TPR: variants seen among roughly 807,000 people sequenced by gnomAD.
TPR encodes translocated promoter region, nuclear basket protein.
In TPR, 51 loss-of-function variants were observed where a neutral mutation model predicts 316.1. That is an observed-to-expected ratio of 0.16 (90% confidence interval 0.13 to 0.20). The LOEUF is 0.20. TPR is among the 10% of genes least tolerant of loss of function. The pLI is 1.00. For synonymous variants in TPR, 981 were observed against 914.7 expected, an observed-to-expected ratio of 1.07 and a Z score of -1.31; for missense variants, 2,272 against 2,754.8, an observed-to-expected ratio of 0.82 and a Z score of 3.92.
At chr1:186,373,688 G>A (rs898829457) in intron 1 of TPR, among the ~76,000 whole-genome samples, 7 of 152,028 alleles carry the variant, frequency 4.6e-5, no homozygotes, top group Non-Finnish European at 7.4e-5. Flanking sequence ...ATAAAAATAA[G>A]GCCTAAAAGG....
chr1:186,311,684 A>G lies in TPR; in HGVS notation c.*2287T>C, dbSNP rs967017194. 3.8e-6 allele frequency: 5 copies of G among 1,327,164 alleles called. No individual in the cohort carries two copies. The highest frequency in any genetic ancestry group is 4.6e-5 in the East Asian group (2 of 43,096). 82.2% of individuals were successfully genotyped at this position (1,327,164 alleles called of 1,614,324 possible). A position where few individuals can be genotyped will look rare whatever the true frequency, so the allele number is the denominator to read the frequency against. On this transcript the variant is annotated 3_prime_UTR_variant, in exon 51 of 51. Transcript: ENST00000367478. ...TTATTATTGACTTTACTGTCAAAAG[A>G]TATCTTTAATGGCTGAAATCAAATA...
Position 186,311,780 on chromosome 1 carries a change from C to T in TPR, c.*2191G>A, listed in dbSNP as rs1657259367. ...CTCAATTTTTATTTTCATTTCTTCA[C>T]AGGCAAGTCACAATTCATTTGAGTT... On this transcript the variant is annotated 3_prime_UTR_variant, in exon 51 of 51. Coordinates refer to ENST00000367478, the MANE Select transcript of TPR (RefSeq NM_003292.3). The T allele has an allele frequency of 4.5e-6, 3 of 666,220 alleles. No homozygotes were observed. The highest frequency in any genetic ancestry group is 5.0e-6 in the Non-Finnish European group (2 of 400,218). The allele number at this position is 666,220 out of a possible 1,614,324, so 41.3% of individuals were successfully genotyped here. A position where few individuals can be genotyped will look rare whatever the true frequency, so the allele number is the denominator to read the frequency against.
At position 186,312,018 on chromosome 1, in the gene TPR, A is replaced by T. The variant is rs1260820121; in HGVS notation, c.*1953T>A. ...GTATTTCAGTTTAATAATTATTTTT[A>T]TAATACCCTTGACTAATAGCCATTA... On this transcript the variant is annotated 3_prime_UTR_variant, in exon 51 of 51. Transcript: ENST00000367478. 3.2e-6 allele frequency: 2 copies of T among 616,288 alleles called. No individual in the cohort carries two copies. Among genetic ancestry groups the T allele is most frequent in the Non-Finnish European group, 5.6e-6 (2 of 358,310 alleles). 38.2% of individuals were successfully genotyped at this position (616,288 alleles called of 1,614,324 possible).
At chr1:186,340,706 C>T (rs1162370778) in intron 29 of TPR, among the ~76,000 whole-genome samples, 1 of 152,078 alleles carries the variant, frequency 6.6e-6, no homozygotes, top group Non-Finnish European at 1.5e-5. Flanking sequence ...GCTGGGATTA[C>T]AGGCATGAGC....
chr1:186,362,490 G>A, intron 6 of TPR, 110 bp from the exon 7 acceptor site: 1 of 777,190 alleles, frequency 1.3e-6, no homozygotes, highest in South Asian at 1.7e-5. Context: ...CTCCCCACCT[G>A]AAAAAGCAAT....
At chr1:186,327,012 TA>T (rs1266931853) in intron 40 of TPR, among the ~76,000 whole-genome samples, 1 of 80,926 alleles carries the variant, frequency 1.2e-5, no homozygotes, top group African/African-American at 5.5e-5. Context: ...ATTAAATATA[TA>T]ATATATATAT....
Position 186,349,694 on chromosome 1 carries a change from C to G in TPR, c.2776+529G>C, listed in dbSNP as rs187256517. 3.1e-3 allele frequency among the ~76,000 whole-genome samples: 468 copies of G among 151,308 alleles called. 4 individuals are homozygous for G. Among genetic ancestry groups the G allele is most frequent in the Admixed American group, 8.2e-3 (124 of 15,184 alleles). On this transcript the variant is annotated intron_variant, in intron 21 of 50. Transcript: ENST00000367478. ...AAAAAAAATAAATAAATAAATAAAA[C>G]CATATAGAAAGATTATCAAGACACA...
At position 186,360,013 on chromosome 1, in the gene TPR, G is replaced by A. The variant is rs762721002; in HGVS notation, c.1192-17C>T. On this transcript the variant is annotated splice_polypyrimidine_tract_variant and intron_variant, in intron 11 of 50. Transcript: ENST00000367478. ...ATTATAGAGCTGAAAGTAGACAAAG[G>A]GTTGTTTCAAATCTAACCATAACAA... is the stretch of plus-strand genomic sequence containing the variant. The A allele has an allele frequency of 3.1e-6, 5 of 1,599,492 alleles. No homozygotes were observed. The highest frequency in any genetic ancestry group is 1.4e-5 in the African/African-American group (1 of 74,022).
In TPR at chr1:186,337,164, A is replaced by G; in HGVS notation, c.4363-8T>C. ...AGCCGATGTCTCCATAACCTAAGACAACAAACAGTAATAATACACTCACAT... is the reference window on the plus strand; with the variant it reads ...AGCCGATGTCTCCATAACCTAAGACGACAAACAGTAATAATACACTCACAT... On this transcript the variant is annotated splice_region_variant and splice_polypyrimidine_tract_variant and intron_variant, in intron 31 of 50. Transcript: ENST00000367478. 6.2e-7 allele frequency: 1 copy of G among 1,611,072 alleles called. No homozygotes were observed. The highest frequency in any genetic ancestry group is 1.3e-5 in the African/African-American group (1 of 74,954).
At chr1:186,354,755 CTAGAA>C (rs1211547275) in intron 17 of TPR, among the ~76,000 whole-genome samples, 1 of 152,124 alleles carries the variant, frequency 6.6e-6, no homozygotes, top group Admixed American at 6.5e-5. Context: ...TCTCTTCTAC[CTAGAA>C]TAGAAAAGGT....
intron 45 of TPR, among the ~76,000 whole-genome samples, chr1:186,321,225 T>C (rs1013096397): frequency 6.6e-6 from 1 of 152,204 alleles, no homozygotes; most frequent in African/African-American, 2.4e-5. Context: ...AGGTAAATTG[T>C]GGCTAACTGA....
intron 14 of TPR, 73 bp from the exon 15 acceptor site, chr1:186,356,522 C>T: frequency 1.4e-6 from 2 of 1,390,184 alleles, no homozygotes; most frequent in Non-Finnish European, 1.9e-6. Flanking sequence ...CTGTAATTAA[C>T]CAAGCATCTT....
At chr1:186,316,380 A>C (rs1400753492) in intron 49 of TPR, among the ~76,000 whole-genome samples, 2 of 152,222 alleles carry the variant, frequency 1.3e-5, no homozygotes, top group Non-Finnish European at 2.9e-5. Flanking sequence ...ATTAACCAAT[A>C]GGCTGATGTG....
intron 41 of TPR, 115 bp downstream of exon 41, chr1:186,325,989 C>T: frequency 6.4e-7 from 1 of 1,556,366 alleles, no homozygotes; most frequent in Admixed American, 2.0e-5. Context: ...AACAAATGAA[C>T]AAAACAACCA....
chr1:186,332,555 T>A lies in TPR; in HGVS notation c.5456-212A>T, dbSNP rs142750583. 1.5e-4 allele frequency among the ~76,000 whole-genome samples: 23 copies of A among 152,280 alleles called. No homozygotes were observed. The East Asian group carries it at 4.2e-3, about 28-fold the overall frequency. On this transcript the variant is annotated intron_variant, in intron 37 of 50. Coordinates refer to ENST00000367478, the MANE Select transcript of TPR (RefSeq NM_003292.3). ...TGGGTAAACAAAGAGCAACTTATGC[T>A]CTGAGTCAATGTTTTTATACCAACC... is the stretch of plus-strand genomic sequence containing the variant.
chr1:186,356,571 A>T (rs1285210102), intron 14 of TPR, 122 bp from the exon 15 acceptor site: 2 of 923,320 alleles, frequency 2.2e-6, no homozygotes, highest in African/African-American at 1.7e-5. Flanking sequence ...CTCTCTCATT[A>T]TTTTTTTTCA....
intron 4 of TPR, among the ~76,000 whole-genome samples, chr1:186,366,829 C>T (rs1234692163): frequency 6.6e-6 from 1 of 150,400 alleles, no homozygotes; most frequent in Non-Finnish European, 1.5e-5. Context: ...ATGGAATACA[C>T]ATTTTTAAAA....
chr1:186,321,011 A>AAGGAAATGTC (rs1165870590), intron 45 of TPR, among the ~76,000 whole-genome samples: 3 of 152,186 alleles, frequency 2.0e-5, no homozygotes, highest in African/African-American at 7.2e-5. Flanking sequence ...CTAGTGAGCT[A>AAGGAAATGTC]TTAATGTCTT....
chr1:186,313,447 A>G lies in TPR; in HGVS notation c.*524T>C. The G allele has an allele frequency of 4.1e-6, 2 of 486,904 alleles. No homozygotes were observed. The highest frequency in any genetic ancestry group is 2.5e-5 in the South Asian group (1 of 39,234). 30.2% of individuals were successfully genotyped at this position (486,904 alleles called of 1,614,324 possible). ...CTTTAATGTTTACTTCATAAAGGAGAGCTGAACCTGATTTTACAAAAAGAT... is the reference window on the plus strand; with the variant it reads ...CTTTAATGTTTACTTCATAAAGGAGGGCTGAACCTGATTTTACAAAAAGAT... On this transcript the variant is annotated 3_prime_UTR_variant, in exon 51 of 51. Coordinates refer to ENST00000367478, the MANE Select transcript of TPR (RefSeq NM_003292.3).
Sources: gnomAD v4.1 joint callset for allele counts (sites outside exome capture counted in the v4.1 genomes callset) on GRCh38, gnomAD v4.1.1 for gene constraint, MANE v1.5 for transcripts, NCBI Gene and HGNC (gene_info 2026-07-23, HGNC 2026-07-21) for gene names.